Variants in ABLIM1 observed in about 807,000 individuals in gnomAD.
ABLIM1 encodes actin-binding LIM protein 1.
ABLIM1 carries 40 observed loss-of-function variants against 107.0 expected under a neutral mutation model. The observed-to-expected ratio is 0.37, with a 90% confidence interval of 0.29 to 0.49. The LOEUF (loss-of-function observed/expected upper bound fraction) is 0.49. Among genes scored for constraint, ABLIM1 ranks in the 20% least tolerant of loss-of-function variants. The pLI, the probability that ABLIM1 is intolerant of heterozygous loss-of-function variation, is 0.97. For synonymous variants in ABLIM1, 357 were observed against 357.3 expected (o/e 1.00, Z 0.01); for missense variants, 857 against 1,008.5 (o/e 0.85, Z 2.04).
the ABLIM1 span, among the ~76,000 whole-genome samples, chr10:114,798,070 T>A: frequency 9.9e-5 from 15 of 152,248 alleles, no homozygotes; most frequent in Admixed American, 1.3e-4. Flanking sequence ...TATGTTACTA[T>A]GTTTTTATCC....
At chr10:114,683,247 G>A (rs1451164979) in intron 1 of ABLIM1, among the ~76,000 whole-genome samples, 1 of 152,164 alleles carries the variant, frequency 6.6e-6, no homozygotes, top group Admixed American at 6.5e-5. Context: ...TCCACTTTAA[G>A]TTTTCCTATT....
Position 114,522,775 on chromosome 10 carries a change from C to A in ABLIM1, c.894+22230G>T, listed in dbSNP as rs142244089. On this transcript the variant is annotated intron_variant, in intron 6 of 22. Transcript: ENST00000533213. ...TTCCTCTTTGATGAAGGTCCCCTCC[C>A]GTCAAAGGCTGCACCTTAAGCCTCT... 2.0e-5 allele frequency among the ~76,000 whole-genome samples: 3 copies of A among 152,314 alleles called. No homozygotes were observed. The South Asian group carries it at 6.2e-4, about 32-fold the overall frequency.
rs972263868 is a variant in ABLIM1, at chr10:114,435,978, A to G, written c.*282T>C. ...TAAAGGAAAAGAAAAAGAAGAAAAC[A>G]ACGCAGCTCCTGTTGTATACATAAG... On this transcript the variant is annotated 3_prime_UTR_variant, in exon 23 of 23. Coordinates refer to ENST00000533213, the MANE Select transcript of ABLIM1 (RefSeq NM_002313.7). 6.6e-6 allele frequency: 2 copies of G among 302,968 alleles called. No homozygotes were observed. Among genetic ancestry groups the G allele is most frequent in the Admixed American group, 4.6e-5 (1 of 21,584 alleles). The allele number at this position is 302,968 out of a possible 1,614,324, so 18.8% of individuals were successfully genotyped here.
intron 1 of ABLIM1, chr10:114,684,156 A>G (rs1210394562): frequency 1.2e-6 from 1 of 860,556 alleles, no homozygotes; most frequent in Non-Finnish European, 1.7e-6. Flanking sequence ...AGATTGTAAA[A>G]CAATCTTTTA....
intron 2 of ABLIM1, among the ~76,000 whole-genome samples, chr10:114,583,468 C>CATATATATATATATATATATATATATAT (rs140129654): frequency 1.3e-4 from 2 of 15,110 alleles, no homozygotes; most frequent in South Asian, 3.1e-3. Flanking sequence ...CACACACACA[C>CATATATATATATATATATATATATATAT]ATATATATAT....
At chr10:114,637,696 A>G (rs896965139) in intron 1 of ABLIM1, among the ~76,000 whole-genome samples, 1 of 152,358 alleles carries the variant, frequency 6.6e-6, no homozygotes, top group Non-Finnish European at 1.5e-5. Context: ...TATAAATGAC[A>G]GAGTGAACAA....
intron 6 of ABLIM1, among the ~76,000 whole-genome samples, chr10:114,502,942 A>G (rs1456561613): frequency 1.3e-5 from 2 of 152,186 alleles, no homozygotes; most frequent in East Asian, 3.9e-4. Context: ...ATGCCTTCCA[A>G]TCACTATGTT....
At chr10:114,695,792 C>T (rs2081182192) in intron 1 of ABLIM1, among the ~76,000 whole-genome samples, 1 of 152,152 alleles carries the variant, frequency 6.6e-6, no homozygotes, top group Admixed American at 6.5e-5. Flanking sequence ...GAAGGATTTC[C>T]ATGTATGAAG....
intron 6 of ABLIM1, among the ~76,000 whole-genome samples, chr10:114,517,279 G>T (rs1166067791): frequency 6.6e-6 from 1 of 152,148 alleles, no homozygotes; most frequent in Non-Finnish European, 1.5e-5. Flanking sequence ...TACAGGACAG[G>T]ACGGGACCAG....
At chr10:114,686,794 AT>A (rs1215830632), upstream of ABLIM1, among the ~76,000 whole-genome samples, 106 of 143,230 alleles carry the variant, frequency 7.4e-4, no homozygotes, top group Admixed American at 9.8e-4. Context: ...ATGCCCGGCT[AT>A]TTTTTTTTTT....
chr10:114,613,566 G>T, intron 1 of ABLIM1: 2 of 744,700 alleles, frequency 2.7e-6, no homozygotes, highest in Non-Finnish European at 4.0e-6. Context: ...TCATTCAAGT[G>T]CTTATAAATT....
chr10:114,587,322 A>G (rs916747931), intron 2 of ABLIM1, among the ~76,000 whole-genome samples: 1 of 152,204 alleles, frequency 6.6e-6, no homozygotes, highest in African/African-American at 2.4e-5. Flanking sequence ...CACACCCTCT[A>G]CACATAGTTA....
chr10:114,502,967 C>T (rs142446623), intron 6 of ABLIM1, among the ~76,000 whole-genome samples: 92 of 152,334 alleles, frequency 6.0e-4, no homozygotes, highest in African/African-American at 2.0e-3. Flanking sequence ...TCTAACCCCA[C>T]ATGCTAGCTT....
intron 2 of ABLIM1, among the ~76,000 whole-genome samples, chr10:114,600,472 T>G (rs2075869967): frequency 6.6e-6 from 1 of 152,138 alleles, no homozygotes; most frequent in Admixed American, 6.6e-5. Context: ...TTACTCTCAG[T>G]GTAAGGAACA....
chr10:114,632,380 CAAT>C, intron 1 of ABLIM1: 1 of 985,386 alleles, frequency 1.0e-6, no homozygotes, highest in Non-Finnish European at 1.2e-6. Flanking sequence ...GAGACGGTTC[CAAT>C]AAGTAAAACT....
intron 14 of ABLIM1, 119 bp from the exon 15 acceptor site, chr10:114,448,139 G>A: frequency 7.6e-7 from 1 of 1,318,974 alleles, no homozygotes; most frequent in Non-Finnish European, 1.0e-6. Context: ...AGAAAGTTCT[G>A]TTTATTACCA....
chr10:114,674,289 CAAAA>C (rs58116385), intron 1 of ABLIM1, among the ~76,000 whole-genome samples: 1 of 84,578 alleles, frequency 1.2e-5, no homozygotes, highest in Non-Finnish European at 2.9e-5. Flanking sequence ...GACTCTGTCA[CAAAA>C]AAAAAAAAAA....
chr10:114,636,601 T>TCA, intron 1 of ABLIM1, among the ~76,000 whole-genome samples: 1 of 152,176 alleles, frequency 6.6e-6, no homozygotes, highest in Non-Finnish European at 1.5e-5. Context: ...CATACATGTC[T>TCA]CACACACACA....
rs1194830912 is a variant in ABLIM1 at position 114,547,635 on chromosome 10, C to T, written c.800+15G>A. Reference sequence around the variant, plus strand: ...GTGCCCACTGAAAGGAACGCGTGCCCGCGCCCAGCCTTACTTGCTGATGTA... The same window carrying T: ...GTGCCCACTGAAAGGAACGCGTGCCTGCGCCCAGCCTTACTTGCTGATGTA... On this transcript the variant is annotated intron_variant, in intron 5 of 22. Coordinates refer to ENST00000533213, the MANE Select transcript of ABLIM1 (RefSeq NM_002313.7). The T allele has an allele frequency of 2.5e-6, 4 of 1,612,954 alleles. No individual in the cohort carries two copies. The highest frequency in any genetic ancestry group is 2.2e-5 in the East Asian group (1 of 44,872).
Sources: allele counts gnomAD v4.1 joint callset (sites outside exome capture counted in the v4.1 genomes callset), GRCh38; gene constraint gnomAD v4.1.1; transcripts MANE v1.5; gene names NCBI Gene and HGNC (gene_info 2026-07-23, HGNC 2026-07-21).